Variants in RARB observed in about 807,000 individuals in gnomAD.
The protein encoded by RARB is HBV-activated protein.
Under a neutral mutation model 51.9 loss-of-function variants are expected in RARB, and 17 were observed. That is an observed-to-expected ratio of 0.33 (90% CI 0.22 to 0.49). RARB has a LOEUF of 0.49. RARB is among the 20% of genes least tolerant of loss of function. The pLI, the probability that RARB is intolerant of heterozygous loss-of-function variation, is 0.99. For synonymous variants in RARB, 215 were observed against 195.4 expected (o/e 1.10, Z -0.84); for missense variants, 369 against 550.8 (o/e 0.67, Z 3.30).
intron 2 of RARB, among the ~76,000 whole-genome samples, chr3:25,049,971 A>G (rs1042243170): frequency 3.3e-5 from 5 of 152,204 alleles, no homozygotes; most frequent in Non-Finnish European, 5.9e-5. Flanking sequence ...GGTGAGCACT[A>G]TTACACCTAG....
At chr3:25,418,423 T>G (rs1450698629) in intron 5 of RARB, among the ~76,000 whole-genome samples, 3 of 152,182 alleles carry the variant, frequency 2.0e-5, no homozygotes, top group Non-Finnish European at 4.4e-5. Flanking sequence ...TAGATGTTAT[T>G]TTGAAGTAGA....
chr3:24,977,112 T>C (rs1696533738), intron 2 of RARB, among the ~76,000 whole-genome samples: 1 of 152,094 alleles, frequency 6.6e-6, no homozygotes, highest in Non-Finnish European at 1.5e-5. Context: ...TCTGTTCCAT[T>C]GGTCTATATA....
At chr3:25,452,116 A>G (rs1210487165) in intron 1 of RARB, among the ~76,000 whole-genome samples, 1 of 152,210 alleles carries the variant, frequency 6.6e-6, no homozygotes, top group African/African-American at 2.4e-5. Flanking sequence ...GATCATTAAT[A>G]AGCAGTTAGA....
chr3:25,394,050 C>T (rs1011172374), intron 5 of RARB, among the ~76,000 whole-genome samples: 2 of 151,902 alleles, frequency 1.3e-5, no homozygotes, highest in African/African-American at 2.4e-5. Flanking sequence ...AATGCTGTGA[C>T]CTTTTCTCTT....
intron 3 of RARB, among the ~76,000 whole-genome samples, chr3:25,128,973 C>G (rs7634050): frequency 0.67 from 102,231 of 152,004 alleles, 34,540 homozygotes; most frequent in Admixed American, 0.76. Flanking sequence ...ATGATGACAT[C>G]CAAAACTGAA....
intron 5 of RARB, among the ~76,000 whole-genome samples, chr3:25,367,806 A>AG (rs1299379477): frequency 6.8e-6 from 1 of 146,946 alleles, no homozygotes; most frequent in African/African-American, 2.5e-5. Flanking sequence ...CCTGTCACAA[A>AG]AAAAAACAAG....
At chr3:24,950,916 T>A (rs1695876977) in intron 2 of RARB, among the ~76,000 whole-genome samples, 1 of 152,078 alleles carries the variant, frequency 6.6e-6, no homozygotes, top group Non-Finnish European at 1.5e-5. Context: ...ACAATGGTGG[T>A]GGGACACCCT....
At chr3:25,234,634 T>C (rs1339410534) in intron 5 of RARB, among the ~76,000 whole-genome samples, 1 of 148,560 alleles carries the variant, frequency 6.7e-6, no homozygotes, top group East Asian at 1.9e-4. Flanking sequence ...TTCACTTCTC[T>C]TTTCCCTGGG....
intron 2 of RARB, among the ~76,000 whole-genome samples, chr3:25,485,751 T>C (rs1696434477): frequency 6.6e-6 from 1 of 152,132 alleles, no homozygotes; most frequent in Admixed American, 6.5e-5. Flanking sequence ...AGAAAGCAGA[T>C]GGAAAGGAAA....
intron 2 of RARB, among the ~76,000 whole-genome samples, chr3:24,907,785 A>G (rs1477182733): frequency 5.9e-5 from 9 of 152,264 alleles, no homozygotes; most frequent in African/African-American, 1.7e-4. Context: ...AGCTAAACAG[A>G]TTTGTTTTTA....
At chr3:24,991,029 A>G (rs954146181) in intron 2 of RARB, among the ~76,000 whole-genome samples, 32 of 152,256 alleles carry the variant, frequency 2.1e-4, no homozygotes, top group Non-Finnish European at 2.4e-4. Context: ...AGTTTCTACT[A>G]CATAGGTATG....
chr3:24,914,779 T>G (rs1695070735), intron 2 of RARB, among the ~76,000 whole-genome samples: 1 of 152,174 alleles, frequency 6.6e-6, no homozygotes, highest in Non-Finnish European at 1.5e-5. Flanking sequence ...ACTGGTTGAA[T>G]CCAAGGATGT....
At chr3:25,456,177 G>A (rs1247403244) in intron 1 of RARB, among the ~76,000 whole-genome samples, 2 of 152,202 alleles carry the variant, frequency 1.3e-5, no homozygotes, top group Admixed American at 6.5e-5. Context: ...AAGGGCATTT[G>A]ATGAATCTAA....
At chr3:25,358,196 A>C (rs145872326) in intron 5 of RARB, among the ~76,000 whole-genome samples, 5,342 of 152,228 alleles carry the variant, frequency 0.035, 126 homozygotes, top group Middle Eastern at 0.065. Context: ...GGTCCTTCAC[A>C]TCCCATGTAA....
intron 2 of RARB, among the ~76,000 whole-genome samples, chr3:24,878,915 T>A (rs1316773444): frequency 6.6e-6 from 1 of 152,200 alleles, no homozygotes; most frequent in Non-Finnish European, 1.5e-5. Context: ...TTTTTCAAAT[T>A]TATTTAGTTG....
intron 1 of RARB, among the ~76,000 whole-genome samples, chr3:25,440,253 A>C (rs1708606410): frequency 6.6e-6 from 1 of 151,698 alleles, no homozygotes; most frequent in African/African-American, 2.4e-5. Context: ...GGCACTTGAG[A>C]CCAGCCTAGG....
intron 2 of RARB, among the ~76,000 whole-genome samples, chr3:24,973,147 T>A (rs1696437738): frequency 6.6e-6 from 1 of 152,050 alleles, no homozygotes; most frequent in South Asian, 2.1e-4. Flanking sequence ...TTTATTTGAT[T>A]TTTGTGTATA....
intron 5 of RARB, among the ~76,000 whole-genome samples, chr3:25,373,271 A>G (rs748791391): frequency 1.3e-5 from 2 of 152,100 alleles, no homozygotes; most frequent in African/African-American, 2.4e-5. Flanking sequence ...TCTGAGAGAG[A>G]AAGAAAGACA....
At chr3:25,465,255 C>G (rs1170990127) in intron 2 of RARB, among the ~76,000 whole-genome samples, 1 of 152,148 alleles carries the variant, frequency 6.6e-6, no homozygotes, top group Non-Finnish European at 1.5e-5. Flanking sequence ...AACTTTTCTT[C>G]TTGAATTCTG....
Sources: allele counts gnomAD v4.1 joint callset (sites outside exome capture counted in the v4.1 genomes callset), GRCh38; gene constraint gnomAD v4.1.1; transcripts MANE v1.5; gene names NCBI Gene and HGNC (gene_info 2026-07-23, HGNC 2026-07-21).